LRRC4C: variants seen among roughly 807,000 people sequenced by gnomAD.
The protein encoded by LRRC4C is leucine rich repeat containing 4C.
Under a neutral mutation model 33.6 loss-of-function variants are expected in LRRC4C, and 5 were observed. The observed-to-expected ratio is 0.15, with a 90% confidence interval of 0.08 to 0.31. The LOEUF is 0.31. Ranked by LOEUF, LRRC4C falls within the 10% of genes least tolerant of loss-of-function variation. The pLI, the probability that LRRC4C is intolerant of heterozygous loss-of-function variation, is 1.00. For synonymous variants in LRRC4C, 329 were observed against 302.0 expected, an observed-to-expected ratio of 1.09 and a Z score of -0.93; for missense variants, 560 against 796.7, an observed-to-expected ratio of 0.70 and a Z score of 3.58.
chr11:40,225,516 A>C (rs565217205), intron 5 of LRRC4C, among the ~76,000 whole-genome samples: 26 of 152,288 alleles, frequency 1.7e-4, no homozygotes, highest in African/African-American at 5.3e-4. Context: ...AGTGGAAGAT[A>C]CAGATGTTCT....
At chr11:40,743,097 T>C (rs900877634) in intron 2 of LRRC4C, among the ~76,000 whole-genome samples, 1 of 152,074 alleles carries the variant, frequency 6.6e-6, no homozygotes, top group Non-Finnish European at 1.5e-5. Context: ...ATAAAAATAT[T>C]GTACGAATGT....
chr11:40,527,260 G>C lies in LRRC4C; in HGVS notation c.-270+120882C>G, dbSNP rs1956090615. Reference sequence around the variant, plus strand: ...GCTATTCACCTATGTTTGTGCACTTGTCTGCAATATACTTTACGTGCTTAT... The same window carrying C: ...GCTATTCACCTATGTTTGTGCACTTCTCTGCAATATACTTTACGTGCTTAT... On this transcript the variant is annotated intron_variant, in intron 3 of 6. Coordinates refer to ENST00000528697, the MANE Select transcript of LRRC4C (RefSeq NM_001258419.2). 2.0e-5 allele frequency among the ~76,000 whole-genome samples: 3 copies of C among 152,092 alleles called. No individual in the cohort carries two copies. The South Asian group carries it at 6.2e-4, about 31-fold the overall frequency.
At chr11:40,204,636 G>A (rs747480583) in intron 5 of LRRC4C, among the ~76,000 whole-genome samples, 1 of 152,118 alleles carries the variant, frequency 6.6e-6, no homozygotes, top group Non-Finnish European at 1.5e-5. Flanking sequence ...CAAGGAAAGT[G>A]TATTTTCCCT....
At chr11:40,657,425 C>A (rs564278631) in intron 2 of LRRC4C, among the ~76,000 whole-genome samples, 17 of 152,286 alleles carry the variant, frequency 1.1e-4, no homozygotes, top group African/African-American at 3.9e-4. Flanking sequence ...CTTGGGCCCC[C>A]AAAATGACTA....
At chr11:40,207,111 C>G (rs755384382) in intron 5 of LRRC4C, among the ~76,000 whole-genome samples, 1 of 152,138 alleles carries the variant, frequency 6.6e-6, no homozygotes, top group Non-Finnish European at 1.5e-5. Context: ...GAACTCATTA[C>G]CAAGCCTTGA....
chr11:41,030,408 TG>T (rs1285213206), intron 1 of LRRC4C, among the ~76,000 whole-genome samples: 7 of 151,860 alleles, frequency 4.6e-5, no homozygotes, highest in Non-Finnish European at 8.8e-5. Flanking sequence ...TGTTCAGACC[TG>T]TATCATAACC....
At chr11:41,256,152 C>G (rs1948791852) in intron 1 of LRRC4C, among the ~76,000 whole-genome samples, 1 of 151,932 alleles carries the variant, frequency 6.6e-6, no homozygotes, top group African/African-American at 2.4e-5. Flanking sequence ...GTGTCTTTAT[C>G]CAAAGCATTC....
At chr11:40,733,230 C>G (rs1019760933) in intron 2 of LRRC4C, among the ~76,000 whole-genome samples, 2 of 151,632 alleles carry the variant, frequency 1.3e-5, no homozygotes, top group Non-Finnish European at 2.9e-5. Flanking sequence ...CGCCTGCCAC[C>G]ACACCCGGCT....
chr11:41,013,520 G>C (rs529682395), intron 1 of LRRC4C, among the ~76,000 whole-genome samples: 1 of 152,266 alleles, frequency 6.6e-6, no homozygotes, highest in South Asian at 2.1e-4. Context: ...CTGTCTTACA[G>C]TCTTCAAAGA....
At chr11:41,233,035 A>C (rs1179467133) in intron 1 of LRRC4C, among the ~76,000 whole-genome samples, 1 of 152,134 alleles carries the variant, frequency 6.6e-6, no homozygotes, top group Non-Finnish European at 1.5e-5. Flanking sequence ...AACGTGTCCC[A>C]GAAATAAAAG....
At chr11:40,779,086 C>T (rs1950119294) in intron 2 of LRRC4C, among the ~76,000 whole-genome samples, 2 of 152,060 alleles carry the variant, frequency 1.3e-5, no homozygotes, top group Admixed American at 1.3e-4. Context: ...TATCTACCAC[C>T]TACCACAGGG....
intron 3 of LRRC4C, among the ~76,000 whole-genome samples, chr11:40,633,916 A>G (rs575506051): frequency 2.6e-5 from 4 of 152,346 alleles, no homozygotes; most frequent in African/African-American, 9.6e-5. Context: ...GTGAAAATGA[A>G]TTCCTGAATT....
rs575419930 is a variant in LRRC4C, at chr11:41,426,598, C to T, written c.-496+32833G>A. 2.6e-5 allele frequency: 4 copies of T among 152,276 alleles called. 1 individual carries two copies. Among genetic ancestry groups the T allele is most frequent in the African/African-American group, 9.6e-5 (4 of 41,576 alleles). 9.4% of individuals were successfully genotyped at this position (152,276 alleles called of 1,614,324 possible). A position where few individuals can be genotyped will look rare whatever the true frequency, so the allele number is the denominator to read the frequency against. ...CCTCTAAAAACAAGCAGACTCACTGCCTATTTTCCTAACATATTCCTGTTC... is the reference window on the plus strand; with the variant it reads ...CCTCTAAAAACAAGCAGACTCACTGTCTATTTTCCTAACATATTCCTGTTC... On this transcript the variant is annotated intron_variant, in intron 1 of 6. Transcript: ENST00000528697.
At chr11:40,150,676 C>T (rs1490892365) in intron 5 of LRRC4C, among the ~76,000 whole-genome samples, 1 of 152,124 alleles carries the variant, frequency 6.6e-6, no homozygotes, top group Admixed American at 6.5e-5. Flanking sequence ...ACCCCTGAGG[C>T]TCAAGAAATC....
At chr11:41,114,676 A>G (rs532747305) in intron 1 of LRRC4C, among the ~76,000 whole-genome samples, 22 of 152,210 alleles carry the variant, frequency 1.4e-4, no homozygotes, top group African/African-American at 5.3e-4. Flanking sequence ...CTGATTCAAT[A>G]AGAATGTTTT....
intron 1 of LRRC4C, among the ~76,000 whole-genome samples, chr11:41,111,513 A>T (rs1018778597): frequency 1.3e-5 from 2 of 152,174 alleles, no homozygotes; most frequent in African/African-American, 4.8e-5. Context: ...ATGAAAATAC[A>T]ATTTGTTTTT....
chr11:40,803,222 G>A (rs148927588), intron 2 of LRRC4C, among the ~76,000 whole-genome samples: 16 of 152,172 alleles, frequency 1.1e-4, no homozygotes, highest in South Asian at 2.1e-4. Flanking sequence ...AGTTACTATC[G>A]TTATTTTTCT....
intron 2 of LRRC4C, among the ~76,000 whole-genome samples, chr11:40,856,951 A>G (rs1953813652): frequency 6.6e-6 from 1 of 152,196 alleles, no homozygotes; most frequent in East Asian, 1.9e-4. Context: ...AGGTGGAGAC[A>G]AAGGAAGAAG....
chr11:41,164,519 T>C (rs1161028777), intron 1 of LRRC4C, among the ~76,000 whole-genome samples: 1 of 152,192 alleles, frequency 6.6e-6, no homozygotes, highest in Admixed American at 6.5e-5. Context: ...TAATTTACTA[T>C]CATTTTCAAG....
Sources: allele counts gnomAD v4.1 joint callset (sites outside exome capture counted in the v4.1 genomes callset), GRCh38; gene constraint gnomAD v4.1.1; transcripts MANE v1.5; gene names NCBI Gene and HGNC (gene_info 2026-07-23, HGNC 2026-07-21).